Variants in USP37 observed in about 807,000 individuals in gnomAD.
USP37 encodes ubiquitin specific peptidase 37.
In USP37, 27 loss-of-function variants were observed where a neutral mutation model predicts 124.0. The ratio of observed to expected loss-of-function variants is 0.22; its 90% CI spans 0.16 to 0.30. USP37 has a LOEUF of 0.30. Among genes scored for constraint, USP37 ranks in the 10% least tolerant of loss-of-function variants. The pLI, the probability that USP37 is intolerant of heterozygous loss-of-function variation, is 1.00. For missense variants in USP37, 889 were observed against 1,140.4 expected (o/e 0.78, Z 3.17); for synonymous variants, 365 against 388.0 (o/e 0.94, Z 0.70).
intron 10 of USP37, among the ~76,000 whole-genome samples, chr2:218,513,677 C>T (rs1438878867): frequency 6.6e-6 from 1 of 152,166 alleles, no homozygotes; most frequent in African/African-American, 2.4e-5. Context: ...CTTATGAGGT[C>T]TTTTACTCAG....
chr2:218,475,757 A>T (rs892385128), intron 19 of USP37, among the ~76,000 whole-genome samples: 1 of 151,678 alleles, frequency 6.6e-6, no homozygotes, highest in African/African-American at 2.4e-5. Context: ...TAAATTAAAT[A>T]AAAAACCAAA....
chr2:218,558,730 AATAAG>A (rs1428245645), intron 3 of USP37, 53 bp from the exon 4 acceptor site: 9 of 1,349,234 alleles, frequency 6.7e-6, no homozygotes, highest in East Asian at 2.3e-5. Flanking sequence ...AAGGAAGAAA[AATAAG>A]ATAAGTTATA....
intron 8 of USP37, among the ~76,000 whole-genome samples, chr2:218,541,837 A>G (rs796145277): frequency 1.3e-5 from 2 of 152,296 alleles, no homozygotes; most frequent in African/African-American, 4.8e-5. Context: ...TTTAGTGGAC[A>G]ATGGTGACGC....
Position 218,459,826 on chromosome 2 carries a change from T to C in USP37, c.2607A>G (p.Thr869=). The stretch of plus-strand genomic sequence containing the variant: ...TTTTCAGTTCCTCAGCTTCAGCTTC[T>C]GTGTACTCCATATCAAAAACATCCT... ...GNEDVFDMEY[T]EAEAEELKRN... Residue 869 remains threonine, a synonymous_variant, in exon 23 of 26, where the codon ACA becomes ACG. Transcript: ENST00000258399. 1.2e-6 allele frequency: 2 copies of C among 1,613,958 alleles called. No individual in the cohort carries two copies. Among genetic ancestry groups the C allele is most frequent in the Non-Finnish European group, 1.7e-6 (2 of 1,179,918 alleles).
At chr2:218,480,512 G>A (rs1314266560) in intron 17 of USP37, among the ~76,000 whole-genome samples, 2 of 151,238 alleles carry the variant, frequency 1.3e-5, no homozygotes, top group East Asian at 3.9e-4. Context: ...CACTGGAAAT[G>A]AAGTCAAGTG....
intron 23 of USP37, among the ~76,000 whole-genome samples, chr2:218,457,593 T>C (rs1689763390): frequency 6.6e-6 from 1 of 152,220 alleles, no homozygotes; most frequent in Admixed American, 6.5e-5. Context: ...AGTTAGGCAT[T>C]GGACAATAGA....
intron 9 of USP37, among the ~76,000 whole-genome samples, chr2:218,530,688 A>G (rs1381283052): frequency 1.3e-5 from 2 of 152,246 alleles, no homozygotes; most frequent in Non-Finnish European, 2.9e-5. Flanking sequence ...AAGCTGAGAC[A>G]GGATGAAAGC....
intron 8 of USP37, among the ~76,000 whole-genome samples, chr2:218,545,753 C>T (rs895564141): frequency 3.3e-5 from 5 of 152,122 alleles, no homozygotes; most frequent in Admixed American, 1.3e-4. Context: ...GATCTATTCC[C>T]TTTTGTTCAA....
chr2:218,504,451 G>T (rs553852773), intron 11 of USP37, among the ~76,000 whole-genome samples: 7 of 152,170 alleles, frequency 4.6e-5, no homozygotes, highest in Admixed American at 1.3e-4. Context: ...TTAGAGACAA[G>T]GTCTTGCTCT....
At position 218,497,720 on chromosome 2, in the gene USP37, CAATT is replaced by C; in HGVS notation, c.1281+10_1281+13del. ...GTCAGGCCTCTGAAACGTTTTAAAACAATTAATACTCACATTCTGCATATAACCA... is the reference window on the plus strand; with the variant it reads ...GTCAGGCCTCTGAAACGTTTTAAAACAATACTCACATTCTGCATATAACCA... On this transcript the variant is annotated intron_variant, in intron 13 of 25. Coordinates refer to ENST00000258399, the MANE Select transcript of USP37 (RefSeq NM_020935.3). 1 of 1,613,286 alleles carries C rather than the reference CAATT, an allele frequency of 6.2e-7. No individual in the cohort carries two copies. Among genetic ancestry groups the C allele is most frequent in the African/African-American group, 1.3e-5 (1 of 75,008 alleles).
At chr2:218,481,087 G>A (rs1336254648) in intron 17 of USP37, among the ~76,000 whole-genome samples, 1 of 152,150 alleles carries the variant, frequency 6.6e-6, no homozygotes, top group African/African-American at 2.4e-5. Flanking sequence ...TACCAAACTA[G>A]TGTTCAAGTA....
Position 218,476,943 on chromosome 2 carries a change from C to T in USP37, c.1940G>A (p.Cys647Tyr), listed in dbSNP as rs1363206099. The T allele has an allele frequency of 2.5e-6, 4 of 1,574,570 alleles. No individual in the cohort carries two copies. Among genetic ancestry groups the T allele is most frequent in the East Asian group, 2.3e-5 (1 of 42,584 alleles). Residue 647 changes from cysteine to tyrosine, a missense_variant, in exon 19 of 26, where the codon TGC becomes TAC. Physicochemically the swap from Cys to Tyr is radical, Grantham distance 194. Transcript: ENST00000258399. The stretch of plus-strand genomic sequence containing the variant: ...CTCATCCTCACTGTCTGAATCAAGG[C>T]ATAAAGCCAAGGAGCTCTTGGATTT... ...TFKSKSSLALCLDSDSEDELK... is the reference protein window; with the variant it reads ...TFKSKSSLALYLDSDSEDELK...
rs748985049 is a variant in USP37, at chr2:218,527,235, G to A, written c.863+2721C>T. Among the ~76,000 whole-genome samples the A allele has an allele frequency of 1.1e-3, 160 of 152,270 alleles. 1 individual carries two copies. The highest frequency in any genetic ancestry group is 1.4e-3 in the Non-Finnish European group (98 of 68,018). On this transcript the variant is annotated intron_variant, in intron 10 of 25. Coordinates refer to ENST00000258399, the MANE Select transcript of USP37 (RefSeq NM_020935.3). ...CCCATGCAGGTAACAGTAAAGCAGA[G>A]GCTAATCATTGTTGTCCCATTTTCA...
chr2:218,538,913 C>A (rs954011966), intron 8 of USP37, among the ~76,000 whole-genome samples: 9 of 152,172 alleles, frequency 5.9e-5, no homozygotes, highest in African/African-American at 2.2e-4. Context: ...ACTCAATTGC[C>A]AGCAACTGGA....
chr2:218,513,858 G>A (rs1335833491), intron 10 of USP37, among the ~76,000 whole-genome samples: 3 of 152,154 alleles, frequency 2.0e-5, no homozygotes, highest in Non-Finnish European at 4.4e-5. Flanking sequence ...TGCTCAGGCT[G>A]GAGTACAATG....
chr2:218,554,221 T>C (rs1692821658), intron 4 of USP37, among the ~76,000 whole-genome samples: 1 of 152,162 alleles, frequency 6.6e-6, no homozygotes, highest in South Asian at 2.1e-4. Flanking sequence ...ATAATGTTGA[T>C]GAGGAAAAAA....
chr2:218,537,312 G>GT (rs1691709386), intron 8 of USP37, among the ~76,000 whole-genome samples: 1 of 152,180 alleles, frequency 6.6e-6, no homozygotes, highest in Non-Finnish European at 1.5e-5. Flanking sequence ...AAGGTGCCCT[G>GT]CAGGTTTCCA....
At chr2:218,534,786 C>T in intron 8 of USP37, 80 bp from the exon 9 acceptor site, 1 of 913,914 alleles carries the variant, frequency 1.1e-6, no homozygotes. Flanking sequence ...GTCATTAAAA[C>T]ATTTACATTT....
chr2:218,554,746 C>CAA lies in USP37; in HGVS notation c.157-1024_157-1023dup, dbSNP rs35776200. Among the ~76,000 whole-genome samples the CAA allele has an allele frequency of 6.3e-3, 765 of 121,914 alleles. 3 individuals are homozygous for CAA. Among genetic ancestry groups the CAA allele is most frequent in the Non-Finnish European group, 7.9e-3 (477 of 60,552 alleles). 80.0% of individuals were successfully genotyped at this position (121,914 alleles called of 152,430 possible). On this transcript the variant is annotated intron_variant, in intron 4 of 25. Transcript: ENST00000258399. ...TGGATGACAGAGCAAAACTTTGTCT[C>CAA]AAAAAAAAAAAAAAAAATTGGAGTA...
Sources: gnomAD v4.1 joint callset for allele counts (sites outside exome capture counted in the v4.1 genomes callset) on GRCh38, gnomAD v4.1.1 for gene constraint, MANE v1.5 for transcripts, NCBI Gene and HGNC (gene_info 2026-07-23, HGNC 2026-07-21) for gene names.